The following MUC22 variants were observed in gnomAD, a reference collection of about 807,000 sequenced individuals.
The protein encoded by MUC22 is mucin-22.
Under a neutral mutation model 40.3 loss-of-function variants are expected in MUC22, and 24 were observed. That is an observed-to-expected ratio of 0.60 (90% CI 0.43 to 0.84). The LOEUF (loss-of-function observed/expected upper bound fraction) is 0.84, where lower values mean the gene tolerates loss of function less well. Ranked by LOEUF, MUC22 falls within the 40% of genes least tolerant of loss-of-function variation. The pLI is 0.00. For synonymous variants in MUC22, 765 were observed against 844.5 expected (o/e 0.91, Z 1.63); for missense variants, 1,926 against 2,130.7 (o/e 0.90, Z 1.89).
intron 3 of MUC22, among the ~76,000 whole-genome samples, chr6:31,033,509 T>C (rs889603450): frequency 6.6e-6 from 1 of 152,236 alleles, no homozygotes; most frequent in African/African-American, 2.4e-5. Flanking sequence ...TGATTGTTCT[T>C]TGAATACATA....
upstream of MUC22, among the ~76,000 whole-genome samples, chr6:31,009,925 C>A (rs1421928041): frequency 1.3e-5 from 2 of 152,134 alleles, no homozygotes; most frequent in African/African-American, 4.8e-5. Context: ...AAGTGAGACT[C>A]ACTCAGTGTC....
chr6:31,028,260 G>A, exon 2 of MUC22: 1 of 1,533,678 alleles, frequency 6.5e-7, no homozygotes, highest in Non-Finnish European at 8.7e-7. Flanking sequence ...AAGGCTCTGG[G>A]ACCACTACAG....
At chr6:31,020,626 TGAG>T (rs1335218818) in intron 1 of MUC22, among the ~76,000 whole-genome samples, 2 of 152,008 alleles carry the variant, frequency 1.3e-5, no homozygotes, top group African/African-American at 4.8e-5. Context: ...TGGCGGCACT[TGAG>T]GAGCCCTTCA....
intron 1 of MUC22, among the ~76,000 whole-genome samples, chr6:31,016,132 CT>C (rs28993413): frequency 0.25 from 34,393 of 139,310 alleles, 4,244 homozygotes; most frequent in Non-Finnish European, 0.28. Context: ...GCATCTCTTA[CT>C]TTTTTTTTTT....
At chr6:31,028,209 T>C in exon 2 of MUC22, 1 of 1,528,324 alleles carries the variant, frequency 6.5e-7, no homozygotes. Context: ...CTGAGACCAC[T>C]ACAGTATCTG....
chr6:31,029,442 A>G, exon 2 of MUC22: 1 of 1,534,396 alleles, frequency 6.5e-7, no homozygotes, highest in Non-Finnish European at 8.7e-7. Flanking sequence ...AGACCACCAC[A>G]GTCTCCACCT....
intron 2 of MUC22, 49 bp downstream of exon 2, chr6:31,030,149 G>A (rs1422308850): frequency 1.4e-6 from 2 of 1,456,992 alleles, no homozygotes; most frequent in Non-Finnish European, 1.8e-6. Context: ...AACTCCAGTG[G>A]CAACCACCAG....
exon 4 of MUC22, chr6:31,035,220 T>C (rs9262551): frequency 0.026 from 11,277 of 442,136 alleles, 277 homozygotes; most frequent in Middle Eastern, 0.067. Flanking sequence ...TCTGTGAGTT[T>C]TTCCTGAGTC....
chr6:31,031,648 C>A (rs1277749180), intron 2 of MUC22, among the ~76,000 whole-genome samples: 1 of 152,150 alleles, frequency 6.6e-6, no homozygotes, highest in Non-Finnish European at 1.5e-5. Flanking sequence ...TATTTGAAGT[C>A]TTTTATCCCT....
exon 2 of MUC22, chr6:31,026,476 G>A (rs28360987): frequency 0.15 from 219,672 of 1,505,006 alleles, 36,919 homozygotes; most frequent in South Asian, 0.28. Context: ...TGAGACCACC[G>A]TCTCCACTGC....
chr6:31,029,546 G>T (rs1288543985), exon 2 of MUC22: 2 of 1,528,530 alleles, frequency 1.3e-6, no homozygotes, highest in Non-Finnish European at 1.8e-6. Flanking sequence ...TCTACTGAAG[G>T]CTCTGAGGCC....
At chr6:31,009,221 A>G (rs1763709357), upstream of MUC22, among the ~76,000 whole-genome samples, 1 of 152,188 alleles carries the variant, frequency 6.6e-6, no homozygotes. Flanking sequence ...ATTTTATTTA[A>G]TTCTTTAATG....
rs761914265 is a variant in MUC22 at position 31,026,958 on chromosome 6, T to C, written c.1527T>C (p.Ser509=). The C allele has an allele frequency of 6.7e-6, 10 of 1,493,546 alleles. No homozygotes were observed. The South Asian group carries it at 1.1e-4, about 17-fold the overall frequency. 92.5% of individuals were successfully genotyped at this position (1,493,546 alleles called of 1,614,324 possible). ...CAGGCTCTGAGACCACTGCAGCCTC[T>C]ACTGAAGATTCTGAAACCAACACAG... Residue 509 remains serine, a synonymous_variant, in exon 2 of 4, where the codon TCT becomes TCC. Transcript: ENST00000561890.
At chr6:31,030,187 C>G in intron 2 of MUC22, 87 bp downstream of exon 2, 1 of 1,380,778 alleles carries the variant, frequency 7.2e-7, no homozygotes. Context: ...TCATCTCTGC[C>G]CTGGTTCAAG....
At chr6:31,008,699 C>T (rs1581592939), upstream of MUC22, among the ~76,000 whole-genome samples, 1 of 152,000 alleles carries the variant, frequency 6.6e-6, no homozygotes, top group African/African-American at 2.4e-5. Context: ...CAGGCACCCG[C>T]CACTACGCCC....
chr6:31,006,841 T>C (rs925470554), upstream of MUC22, among the ~76,000 whole-genome samples: 4 of 152,084 alleles, frequency 2.6e-5, no homozygotes, highest in Non-Finnish European at 5.9e-5. Context: ...AGAGCTTGCT[T>C]ATATGTTATT....
At chr6:31,025,586 C>G in exon 2 of MUC22, 1 of 1,523,894 alleles carries the variant, frequency 6.6e-7, no homozygotes, top group South Asian at 1.2e-5. Flanking sequence ...ATGGCCTCCA[C>G]CATGGCCTCT....
chr6:31,027,431 C>A (rs902550092), exon 2 of MUC22: 4 of 1,531,942 alleles, frequency 2.6e-6, no homozygotes, highest in Non-Finnish European at 3.5e-6. Context: ...GAGACCACCA[C>A]CACCTGTACT....
At position 31,025,754 on chromosome 6, in the gene MUC22, C is replaced by A. The variant is rs564563449; in HGVS notation, c.323C>A (p.Thr108Asn). The A allele has an allele frequency of 1.2e-5, 18 of 1,529,660 alleles. No individual in the cohort carries two copies. In the South Asian group the frequency reaches 2.1e-4, roughly 18 times the overall value. The allele number at this position is 1,529,660 out of a possible 1,614,324, so 94.8% of individuals were successfully genotyped here. A position where few individuals can be genotyped will look rare whatever the true frequency, so the allele number is the denominator to read the frequency against. The change falls in exon 2 of 4, where the codon ACT becomes AAT. Residue 108 changes from threonine (T) to asparagine (N), a missense_variant. Around this residue, in one of 3 missense-constraint regions of MUC22, gnomAD observed 1,281 missense variants for 1,337.8 expected, o/e 0.96. Transcript: ENST00000561890. Reference sequence around the variant, plus strand: ...GACTCAGGGACTACTATAGCCTCCACTAGGACCTTCACCACAGGCTCTGAC... The same window carrying A: ...GACTCAGGGACTACTATAGCCTCCAATAGGACCTTCACCACAGGCTCTGAC...
Sources: gnomAD v4.1 joint callset for allele counts (sites outside exome capture counted in the v4.1 genomes callset) on GRCh38, gnomAD v4.1.1 for gene constraint, gnomAD v4.1.1 regional missense constraint, MANE v1.5 for transcripts, NCBI Gene and HGNC (gene_info 2026-07-23, HGNC 2026-07-21) for gene names.